LRP1B: variants seen among roughly 807,000 people sequenced by gnomAD.
LRP1B encodes low-density lipoprotein receptor-related protein 1B.
Under a neutral mutation model 556.6 loss-of-function variants are expected in LRP1B, and 217 were observed. The observed-to-expected ratio is 0.39, with a 90% CI of 0.35 to 0.44. LRP1B has a LOEUF of 0.44. LRP1B is among the 20% of genes least tolerant of loss of function. LRP1B has a pLI of 1.00. For missense variants in LRP1B, 5,053 were observed against 5,620.8 expected (o/e 0.90, Z 3.23); for synonymous variants, 2,047 against 1,865.8 (o/e 1.10, Z -2.50).
At chr2:142,086,376 G>A (rs1705922337) in intron 1 of LRP1B, among the ~76,000 whole-genome samples, 1 of 152,110 alleles carries the variant, frequency 6.6e-6, no homozygotes, top group Admixed American at 6.5e-5. Flanking sequence ...TTGGGAGGCC[G>A]AGGTGGACGG....
chr2:141,188,650 ATAAG>A, intron 6 of LRP1B, 67 bp from the exon 7 acceptor site: 1 of 1,405,106 alleles, frequency 7.1e-7, no homozygotes, highest in Non-Finnish European at 9.9e-7. Context: ...CAAAAATAAC[ATAAG>A]TGTTTCCAAA....
rs1297190080 is a variant in LRP1B at position 140,743,993 on chromosome 2, T to TAAAAAAAAAAAAAAAAAAAAAAAAAAAAA, written c.5758+25219_5758+25220insTTTTTTTTTTTTTTTTTTTTTTTTTTTTT. Among the ~76,000 whole-genome samples, 3 of 7,162 alleles carry TAAAAAAAAAAAAAAAAAAAAAAAAAAAAA rather than the reference T, an allele frequency of 4.2e-4. 1 individual carries two copies. Among genetic ancestry groups the TAAAAAAAAAAAAAAAAAAAAAAAAAAAAA allele is most frequent in the African/African-American group, 3.2e-4 (1 of 3,168 alleles). The allele number at this position is 7,162 out of a possible 152,430, so 4.7% of individuals were successfully genotyped here. A position where few individuals can be genotyped will look rare whatever the true frequency, so the allele number is the denominator to read the frequency against. ...AAAAAAAAAAAAAAAAAAAAAAAAG[T>TAAAAAAAAAAAAAAAAAAAAAAAAAAAAA]AAAAAGTAAAATCCATAGACATAGA... On this transcript the variant is annotated intron_variant, in intron 35 of 90. Transcript: ENST00000389484.
chr2:140,588,751 G>T (rs569344915), intron 43 of LRP1B, among the ~76,000 whole-genome samples: 1 of 152,182 alleles, frequency 6.6e-6, no homozygotes, highest in Admixed American at 6.5e-5. Context: ...GGATCACGAG[G>T]TCAGGAGATC....
At chr2:141,861,134 C>T (rs1395134161) in intron 1 of LRP1B, among the ~76,000 whole-genome samples, 3 of 152,070 alleles carry the variant, frequency 2.0e-5, no homozygotes, top group Non-Finnish European at 4.4e-5. Flanking sequence ...ACTTTTTTCT[C>T]CTTCAAATTC....
intron 32 of LRP1B, among the ~76,000 whole-genome samples, chr2:140,798,867 G>A (rs895201885): frequency 1.3e-5 from 2 of 152,124 alleles, no homozygotes; most frequent in Non-Finnish European, 2.9e-5. Flanking sequence ...TAGAGACCCA[G>A]TTTTGACCGT....
At chr2:141,755,707 G>A (rs13398371) in intron 2 of LRP1B, among the ~76,000 whole-genome samples, 2 of 151,982 alleles carry the variant, frequency 1.3e-5, no homozygotes, top group Admixed American at 6.6e-5. Flanking sequence ...TGTTGTACAA[G>A]AATGTTAACT....
intron 18 of LRP1B, among the ~76,000 whole-genome samples, chr2:140,967,005 A>C (rs1696245985): frequency 6.6e-6 from 1 of 152,304 alleles, no homozygotes; most frequent in Admixed American, 6.5e-5. Flanking sequence ...CTTTTGCCTT[A>C]GGATTGTCTT....
At chr2:140,857,943 GA>G (rs150588290) in intron 27 of LRP1B, among the ~76,000 whole-genome samples, 122 of 149,648 alleles carry the variant, frequency 8.2e-4, no homozygotes, top group African/African-American at 2.2e-3. Context: ...TGCTTTGAAA[GA>G]AAAAAAAACA....
chr2:140,448,795 C>G (rs538818980), intron 63 of LRP1B, among the ~76,000 whole-genome samples: 1 of 151,968 alleles, frequency 6.6e-6, no homozygotes, highest in African/African-American at 2.4e-5. Flanking sequence ...TGATGTAATG[C>G]ATATGTTAAA....
rs149879153 is a variant in LRP1B, at chr2:140,836,412, C to T, written c.5209+3579G>A. 1.4e-4 allele frequency among the ~76,000 whole-genome samples: 22 copies of T among 152,290 alleles called. No individual in the cohort carries two copies. In the East Asian group the frequency reaches 3.9e-3, roughly 27 times the overall value. ...TTTCCCAACCATGTTGTCCCTGAAA[C>T]ACGACAAAAAGAATGTTTTATGTGT... On this transcript the variant is annotated intron_variant, in intron 31 of 90. Coordinates refer to ENST00000389484, the MANE Select transcript of LRP1B (RefSeq NM_018557.3).
At position 140,501,716 on chromosome 2, in the gene LRP1B, C is replaced by A. The variant is rs775201182; in HGVS notation, c.8821G>T (p.Asp2941Tyr). The A allele has an allele frequency of 3.7e-6, 6 of 1,611,960 alleles. No homozygotes were observed. In the South Asian group the frequency reaches 6.6e-5, roughly 18 times the overall value. The change falls in exon 55 of 91, where the codon GAC becomes TAC. Residue 2941 changes from aspartate (D) to tyrosine (Y), a missense_variant. By Grantham distance (160) the Asp-to-Tyr change is radical. Transcript: ENST00000389484. ...TAACTGACCGGAAGGTCTTGACAGT[C>A]TTGAGAACATCCACTGACTTTCTTA... is the stretch of plus-strand genomic sequence containing the variant. ...LSKKVSGCSQ[D>Y]CQDLPVSYKC...
At chr2:142,034,792 C>A (rs1703822864) in intron 1 of LRP1B, among the ~76,000 whole-genome samples, 1 of 151,714 alleles carries the variant, frequency 6.6e-6, no homozygotes. Flanking sequence ...AGCCACCACA[C>A]TGTGGTTATC....
At chr2:140,602,204 T>TAAAA (rs11433115) in intron 41 of LRP1B, among the ~76,000 whole-genome samples, 30 of 150,796 alleles carry the variant, frequency 2.0e-4, no homozygotes, top group East Asian at 1.2e-3. Flanking sequence ...ACTAATGAGA[T>TAAAA]AAAAAAAAAC....
intron 3 of LRP1B, among the ~76,000 whole-genome samples, chr2:141,418,469 CA>C (rs1680005692): frequency 1.6e-5 from 2 of 124,560 alleles, no homozygotes; most frequent in African/African-American, 8.9e-5. Context: ...CCCAGTTACT[CA>C]ACATCATTTG....
At chr2:141,348,605 T>A (rs984567714) in intron 3 of LRP1B, among the ~76,000 whole-genome samples, 2 of 152,058 alleles carry the variant, frequency 1.3e-5, no homozygotes, top group African/African-American at 4.8e-5. Flanking sequence ...ATCTTGTTTA[T>A]GTAGTAATAT....
At chr2:141,885,206 A>T (rs186804468) in intron 1 of LRP1B, among the ~76,000 whole-genome samples, 2 of 152,318 alleles carry the variant, frequency 1.3e-5, no homozygotes, top group Admixed American at 6.5e-5. Context: ...GAAATTTCTC[A>T]TACAGTATGA....
At chr2:140,635,813 C>A (rs755937878) in intron 41 of LRP1B, among the ~76,000 whole-genome samples, 21 of 151,984 alleles carry the variant, frequency 1.4e-4, no homozygotes, top group Non-Finnish European at 2.9e-4. Context: ...TAAGAGAAGA[C>A]CATTAAGACA....
rs1315731833 is a variant in LRP1B, at chr2:140,514,890, G to A, written c.8150-118C>T. Reference sequence around the variant, plus strand: ...AATCAACAATCCTATAATAAAAGAAGCCAACTTCTTCTTTTCTATGACAAT... The same window carrying A: ...AATCAACAATCCTATAATAAAAGAAACCAACTTCTTCTTTTCTATGACAAT... On this transcript the variant is annotated intron_variant, in intron 50 of 90. Coordinates refer to ENST00000389484, the MANE Select transcript of LRP1B (RefSeq NM_018557.3). 6.4e-6 allele frequency: 6 copies of A among 938,082 alleles called. No individual in the cohort carries two copies. In the East Asian group the frequency reaches 1.7e-4, roughly 26 times the overall value. The allele number at this position is 938,082 out of a possible 1,614,324, so 58.1% of individuals were successfully genotyped here. A position where few individuals can be genotyped will look rare whatever the true frequency, so the allele number is the denominator to read the frequency against.
intron 2 of LRP1B, among the ~76,000 whole-genome samples, chr2:141,494,626 A>G (rs1164646056): frequency 6.6e-6 from 1 of 151,768 alleles, no homozygotes; most frequent in Non-Finnish European, 1.5e-5. Context: ...TATTTGAACC[A>G]TTAAACAACT....
Sources: allele counts gnomAD v4.1 joint callset (sites outside exome capture counted in the v4.1 genomes callset), GRCh38; gene constraint gnomAD v4.1.1; transcripts MANE v1.5; gene names NCBI Gene and HGNC (gene_info 2026-07-23, HGNC 2026-07-21).